The following GFOD1 variants were observed in gnomAD, a reference collection of about 807,000 sequenced individuals.
The protein encoded by GFOD1 is glucose-fructose oxidoreductase domain-containing protein 1.
GFOD1 carries 9 observed loss-of-function variants against 25.4 expected under a neutral mutation model. The ratio of observed to expected loss-of-function variants is 0.35; its 90% CI spans 0.21 to 0.62. The LOEUF (loss-of-function observed/expected upper bound fraction) is 0.62, where lower values mean the gene tolerates loss of function less well. GFOD1 is among the 20% of genes least tolerant of loss of function. The pLI is 0.72. For synonymous variants in GFOD1, 253 were observed against 245.6 expected (o/e 1.03, Z -0.28); for missense variants, 403 against 556.9 (o/e 0.72, Z 2.78).
intron 1 of GFOD1, among the ~76,000 whole-genome samples, chr6:13,436,713 G>A (rs1757838342): frequency 6.6e-6 from 1 of 152,222 alleles, no homozygotes; most frequent in African/African-American, 2.4e-5. Flanking sequence ...GAAGGGTGAC[G>A]ATTTTCACCT....
chr6:13,434,545 G>T (rs944098214), intron 1 of GFOD1, among the ~76,000 whole-genome samples: 1 of 152,174 alleles, frequency 6.6e-6, no homozygotes, highest in Non-Finnish European at 1.5e-5. Flanking sequence ...AGGGCATTAT[G>T]GGAACACAGA....
At chr6:13,479,270 G>C (rs1363705409) in intron 1 of GFOD1, among the ~76,000 whole-genome samples, 1 of 152,156 alleles carries the variant, frequency 6.6e-6, no homozygotes, top group Non-Finnish European at 1.5e-5. Context: ...TTGATGCAGA[G>C]AGCTGAGGGC....
intron 1 of GFOD1, among the ~76,000 whole-genome samples, chr6:13,446,225 A>C (rs936864013): frequency 1.3e-5 from 2 of 152,222 alleles, no homozygotes; most frequent in Non-Finnish European, 2.9e-5. Context: ...AAATAGCCAC[A>C]TCATTAAATG....
At chr6:13,373,559 C>T (rs1176020395) in intron 1 of GFOD1, among the ~76,000 whole-genome samples, 1 of 152,024 alleles carries the variant, frequency 6.6e-6, no homozygotes. Context: ...AAAGACAAAT[C>T]TCTGGTTTCA....
chr6:13,453,518 T>C (rs1300239839), intron 1 of GFOD1, among the ~76,000 whole-genome samples: 3 of 152,244 alleles, frequency 2.0e-5, no homozygotes, highest in Admixed American at 6.5e-5. Flanking sequence ...CATTTGAAGA[T>C]ACATAAATCT....
chr6:13,470,729 G>T, intron 1 of GFOD1: 2 of 1,422,382 alleles, frequency 1.4e-6, no homozygotes, highest in Non-Finnish European at 9.2e-7. Flanking sequence ...AGAAGAGCCT[G>T]CCAGGGACAC....
chr6:13,434,907 T>C (rs1219594324), intron 1 of GFOD1, among the ~76,000 whole-genome samples: 1 of 152,210 alleles, frequency 6.6e-6, no homozygotes, highest in Non-Finnish European at 1.5e-5. Context: ...CATCTGACCC[T>C]TCAACAGACC....
chr6:13,478,582 G>A (rs903409703), intron 1 of GFOD1, among the ~76,000 whole-genome samples: 5 of 152,242 alleles, frequency 3.3e-5, no homozygotes, highest in African/African-American at 1.2e-4. Flanking sequence ...ATTTGGTCAT[G>A]TATCCCCCAC....
intron 1 of GFOD1, among the ~76,000 whole-genome samples, chr6:13,372,575 G>A (rs1785173632): frequency 6.6e-6 from 1 of 152,180 alleles, no homozygotes; most frequent in South Asian, 2.1e-4. Flanking sequence ...GTACCCCTGG[G>A]AGTCTGGGCA....
At chr6:13,444,495 T>C (rs1360342318) in intron 1 of GFOD1, among the ~76,000 whole-genome samples, 2 of 151,860 alleles carry the variant, frequency 1.3e-5, no homozygotes, top group African/African-American at 4.8e-5. Context: ...AATATACACA[T>C]GCTCCTGTTA....
chr6:13,379,695 T>C (rs761694915), intron 1 of GFOD1, among the ~76,000 whole-genome samples: 5 of 152,218 alleles, frequency 3.3e-5, no homozygotes, highest in African/African-American at 4.8e-5. Flanking sequence ...AATAATTCCC[T>C]TCTGCTAAAA....
chr6:13,397,520 G>T (rs1272107588), intron 1 of GFOD1, among the ~76,000 whole-genome samples: 1 of 152,212 alleles, frequency 6.6e-6, no homozygotes, highest in Non-Finnish European at 1.5e-5. Context: ...AACCTGGAAG[G>T]GTGGAGGCCC....
rs1260015481 is a variant in GFOD1 at position 13,486,770 on chromosome 6, C to A, written c.121G>T (p.Glu41Ter). The A allele has an allele frequency of 1.2e-6, 2 of 1,614,068 alleles. No homozygotes were observed. The highest frequency in any genetic ancestry group is 1.7e-6 in the Non-Finnish European group (2 of 1,180,038). ...LWGRTQEEAE[E>*]LAKEMSVPFY... The stretch of plus-strand genomic sequence containing the variant: ...GGGACACTCATCTCCTTGGCCAGCT[C>A]CTCCGCTTCTTCCTGCGTGCGGCCC... Residue 41 changes from glutamate (E) to a stop codon, truncating the protein, a stop_gained, in exon 1 of 2, where the codon GAG (glutamate) becomes TAG (stop). Coordinates refer to ENST00000379287, the MANE Select transcript of GFOD1 (RefSeq NM_018988.4). LOFTEE classifies it high-confidence loss of function.
intron 1 of GFOD1, among the ~76,000 whole-genome samples, chr6:13,480,185 T>C (rs1758716648): frequency 6.6e-6 from 1 of 152,130 alleles, no homozygotes; most frequent in Non-Finnish European, 1.5e-5. Context: ...TGGGACAAGA[T>C]CAATGTGCAG....
intron 1 of GFOD1, among the ~76,000 whole-genome samples, chr6:13,445,998 T>C (rs1232611606): frequency 6.6e-6 from 1 of 152,152 alleles, no homozygotes; most frequent in Non-Finnish European, 1.5e-5. Flanking sequence ...TTAGAGAATG[T>C]CTGTTTATTC....
intron 1 of GFOD1, among the ~76,000 whole-genome samples, chr6:13,408,763 T>C (rs1034313174): frequency 1.3e-5 from 2 of 152,298 alleles, no homozygotes; most frequent in East Asian, 3.9e-4. Context: ...TACTCCATTG[T>C]TTTTAGAAAA....
intron 1 of GFOD1, among the ~76,000 whole-genome samples, chr6:13,477,077 C>A (rs2127578748): frequency 6.6e-6 from 1 of 152,294 alleles, no homozygotes; most frequent in African/African-American, 2.4e-5. Context: ...CCCACACCCA[C>A]CAGCGGAACT....
At chr6:13,378,609 A>G (rs1260265956) in intron 1 of GFOD1, among the ~76,000 whole-genome samples, 1 of 152,200 alleles carries the variant, frequency 6.6e-6, no homozygotes, top group Non-Finnish European at 1.5e-5. Context: ...GGGTTCCTAC[A>G]GGATTCCCAC....
At chr6:13,478,099 A>T (rs556927593) in intron 1 of GFOD1, among the ~76,000 whole-genome samples, 1 of 151,860 alleles carries the variant, frequency 6.6e-6, no homozygotes, top group East Asian at 1.9e-4. Context: ...AACAAAAAAA[A>T]CCTACACAAT....
Sources: gnomAD v4.1 joint callset for allele counts (sites outside exome capture counted in the v4.1 genomes callset) on GRCh38, gnomAD v4.1.1 for gene constraint, MANE v1.5 for transcripts, NCBI Gene and HGNC (gene_info 2026-07-23, HGNC 2026-07-21) for gene names.